Variants in KCNB2 observed in about 807,000 individuals in gnomAD.
KCNB2 encodes delayed rectifier potassium channel protein.
In KCNB2, 15 loss-of-function variants were observed where a neutral mutation model predicts 61.5. That is an observed-to-expected ratio of 0.24 (90% confidence interval 0.16 to 0.38). The LOEUF is 0.38. Among genes scored for constraint, KCNB2 ranks in the 10% least tolerant of loss-of-function variants. The pLI, the probability that KCNB2 is intolerant of heterozygous loss-of-function variation, is 1.00. For missense variants in KCNB2, 828 were observed against 1,125.2 expected (o/e 0.74, Z 3.78); for synonymous variants, 457 against 446.0 (o/e 1.02, Z -0.31).
At chr8:72,727,126 A>T (rs933680927) in intron 2 of KCNB2, among the ~76,000 whole-genome samples, 57 of 152,194 alleles carry the variant, frequency 3.7e-4, no homozygotes, top group African/African-American at 1.2e-3. Flanking sequence ...AAGCAGAAAG[A>T]TTTTTTAATG....
intron 2 of KCNB2, among the ~76,000 whole-genome samples, chr8:72,915,214 G>C (rs867145841): frequency 6.6e-6 from 1 of 152,116 alleles, no homozygotes; most frequent in East Asian, 1.9e-4. Flanking sequence ...GAGCCACTGC[G>C]CCGAGCATGA....
intron 2 of KCNB2, among the ~76,000 whole-genome samples, chr8:72,909,571 G>A (rs1050023579): frequency 2.6e-5 from 4 of 152,082 alleles, no homozygotes. Flanking sequence ...GAGTATTAAA[G>A]AGATGATGGT....
At chr8:72,720,429 A>G (rs564296781) in intron 2 of KCNB2, among the ~76,000 whole-genome samples, 2 of 152,164 alleles carry the variant, frequency 1.3e-5, no homozygotes, top group South Asian at 4.2e-4. Flanking sequence ...GTCTTCCCCA[A>G]TTTCTTTAAA....
intron 2 of KCNB2, among the ~76,000 whole-genome samples, chr8:72,619,665 C>T (rs1391320613): frequency 6.6e-6 from 1 of 151,986 alleles, no homozygotes; most frequent in African/African-American, 2.4e-5. Flanking sequence ...TACTAATTTT[C>T]ATTTCAAGAA....
intron 2 of KCNB2, among the ~76,000 whole-genome samples, chr8:72,617,485 T>A (rs1470874686): frequency 6.6e-6 from 1 of 152,108 alleles, no homozygotes; most frequent in Non-Finnish European, 1.5e-5. Flanking sequence ...CTCTCATCTT[T>A]GAGTGGCAGG....
chr8:72,615,427 T>G (rs1805605128), intron 2 of KCNB2, among the ~76,000 whole-genome samples: 1 of 152,184 alleles, frequency 6.6e-6, no homozygotes. Flanking sequence ...GGCTTCTCAG[T>G]TGTACGAGAA....
At chr8:72,669,218 C>T (rs189016555) in intron 2 of KCNB2, among the ~76,000 whole-genome samples, 130 of 152,272 alleles carry the variant, frequency 8.5e-4, no homozygotes, top group African/African-American at 3.0e-3. Context: ...AGCTCAAGAT[C>T]CATTATGATC....
chr8:72,680,239 G>A (rs1325758084), intron 2 of KCNB2, among the ~76,000 whole-genome samples: 1 of 152,162 alleles, frequency 6.6e-6, no homozygotes, highest in Non-Finnish European at 1.5e-5. Flanking sequence ...AGGAAGGCAT[G>A]GGTGGAAGTG....
chr8:72,832,101 A>T (rs1809708279), intron 2 of KCNB2, among the ~76,000 whole-genome samples: 1 of 152,230 alleles, frequency 6.6e-6, no homozygotes, highest in Non-Finnish European at 1.5e-5. Context: ...AAGAACTAAC[A>T]TGGAAACATA....
At chr8:72,604,567 A>C (rs1805416948) in intron 2 of KCNB2, among the ~76,000 whole-genome samples, 1 of 152,244 alleles carries the variant, frequency 6.6e-6, no homozygotes, top group South Asian at 2.1e-4. Flanking sequence ...TCTGACACAT[A>C]GTAGGTACTC....
At chr8:72,545,469 A>G (rs1320227252) in intron 1 of KCNB2, among the ~76,000 whole-genome samples, 1 of 152,172 alleles carries the variant, frequency 6.6e-6, no homozygotes, top group African/African-American at 2.4e-5. Context: ...ATGCTGATCC[A>G]TGATCAGTGA....
chr8:72,788,741 T>C (rs1010693224), intron 2 of KCNB2, among the ~76,000 whole-genome samples: 3 of 152,246 alleles, frequency 2.0e-5, no homozygotes, highest in African/African-American at 7.2e-5. Context: ...TACCATTCAC[T>C]ATATGAAATT....
chr8:72,605,568 A>G (rs1403199713), intron 2 of KCNB2, among the ~76,000 whole-genome samples: 3 of 152,194 alleles, frequency 2.0e-5, no homozygotes, highest in Non-Finnish European at 4.4e-5. Flanking sequence ...CAAGGAAAGG[A>G]AAGTCTTTCA....
chr8:72,839,599 C>CTTTTTTTTTTTTTT (rs10561095), intron 2 of KCNB2, among the ~76,000 whole-genome samples: 1 of 87,640 alleles, frequency 1.1e-5, no homozygotes. Flanking sequence ...TGAAAGGCTT[C>CTTTTTTTTTTTTTT]TTTTTTTTTT....
intron 1 of KCNB2, among the ~76,000 whole-genome samples, chr8:72,558,176 A>C (rs1487602958): frequency 6.6e-6 from 1 of 152,230 alleles, no homozygotes; most frequent in East Asian, 1.9e-4. Flanking sequence ...AGATGTTTCC[A>C]GGTTTAAGCC....
chr8:72,677,188 T>C (rs1052860778), intron 2 of KCNB2, among the ~76,000 whole-genome samples: 3 of 152,310 alleles, frequency 2.0e-5, no homozygotes, highest in Middle Eastern at 3.4e-3. Flanking sequence ...GAGACAGGCC[T>C]GGAACAGATC....
At chr8:72,823,289 T>A (rs1809541231) in intron 2 of KCNB2, among the ~76,000 whole-genome samples, 1 of 151,924 alleles carries the variant, frequency 6.6e-6, no homozygotes, top group Non-Finnish European at 1.5e-5. Context: ...TGAGAACAGG[T>A]GATATTTTTC....
chr8:72,545,570 T>G (rs1563518865), intron 1 of KCNB2, among the ~76,000 whole-genome samples: 2 of 152,110 alleles, frequency 1.3e-5, no homozygotes, highest in African/African-American at 4.8e-5. Flanking sequence ...TGACTGGCTA[T>G]TCCCACATCT....
intron 2 of KCNB2, among the ~76,000 whole-genome samples, chr8:72,585,230 A>T (rs903942184): frequency 1.3e-5 from 2 of 152,148 alleles, no homozygotes; most frequent in Non-Finnish European, 2.9e-5. Flanking sequence ...CAAGAGATGC[A>T]ATAAGTTTTG....
Sources: gnomAD v4.1 joint callset for allele counts (sites outside exome capture counted in the v4.1 genomes callset) on GRCh38, gnomAD v4.1.1 for gene constraint, MANE v1.5 for transcripts, NCBI Gene and HGNC (gene_info 2026-07-23, HGNC 2026-07-21) for gene names.